FPGS: variants seen among roughly 807,000 people sequenced by gnomAD.
The protein encoded by FPGS is folylpolyglutamate synthase, mitochondrial.
In FPGS, 53 loss-of-function variants were observed where a neutral mutation model predicts 66.5. That is an observed-to-expected ratio of 0.80 (90% CI 0.64 to 1.00). FPGS has a LOEUF of 1.00. Among genes scored for constraint, FPGS ranks in the 50% least tolerant of loss-of-function variants. The pLI, the probability that FPGS is intolerant of heterozygous loss-of-function variation, is 0.00. For synonymous variants in FPGS, 348 were observed against 350.9 expected, an observed-to-expected ratio of 0.99 and a Z score of 0.09; for missense variants, 702 against 807.7, an observed-to-expected ratio of 0.87 and a Z score of 1.59.
chr9:127,808,535 C>G (rs770023397), intron 9 of FPGS, 23 bp from the exon 10 acceptor site: 3 of 1,611,518 alleles, frequency 1.9e-6, no homozygotes, highest in South Asian at 1.1e-5. Flanking sequence ...CTCTGCTGAC[C>G]CGCTCCTGCC....
chr9:127,804,752 G>A (rs1437874694), intron 4 of FPGS, 52 bp downstream of exon 4: 3 of 1,586,692 alleles, frequency 1.9e-6, no homozygotes, highest in East Asian at 4.5e-5. Context: ...ACCCTGGGGG[G>A]CTATGGAACC....
chr9:127,807,120 TGG>T lies in FPGS; in HGVS notation c.501+34_501+35del. ...ATGCAGGAGGGCTGGCGGGTGGGTA[TGG>T]TTGGGGGTGCTACGTGTTCCAGCAC... On this transcript the variant is annotated intron_variant, in intron 5 of 14. Coordinates refer to ENST00000373247, the MANE Select transcript of FPGS (RefSeq NM_004957.6). The surrounding 1 kb of genome is among the most constrained non-coding windows in gnomAD (Gnocchi z 5.8). 1 of 1,610,076 alleles carries T rather than the reference TGG, an allele frequency of 6.2e-7. No individual in the cohort carries two copies. The highest frequency in any genetic ancestry group is 1.1e-5 in the South Asian group (1 of 90,998).
rs575034240 is a variant in FPGS at position 127,813,121 on chromosome 9, A to T, written c.1355-74A>T. On this transcript the variant is annotated intron_variant, in intron 14 of 14. Transcript: ENST00000373247. ...GGTGCGAAGCAGGTGCTCACGGTGC[A>T]CCCGCCCCTTTCTCCACCCCTGTCC... The T allele has an allele frequency of 3.6e-5, 54 of 1,498,856 alleles. No homozygotes were observed. In the Admixed American group the frequency reaches 9.2e-4, roughly 26 times the overall value. The allele number at this position is 1,498,856 out of a possible 1,614,324, so 92.8% of individuals were successfully genotyped here.
chr9:127,813,140 C>A, intron 14 of FPGS, 55 bp from the exon 15 acceptor site: 1 of 1,513,452 alleles, frequency 6.6e-7, no homozygotes, highest in South Asian at 1.3e-5. Context: ...TTTCTCCACC[C>A]CTGTCCCTTA....
intron 1 of FPGS, 91 bp from the exon 2 acceptor site, chr9:127,804,194 G>A: frequency 6.5e-7 from 1 of 1,529,824 alleles, no homozygotes; most frequent in African/African-American, 1.4e-5. Flanking sequence ...TGGCCTTGTT[G>A]CCCTGGCTTG....
intron 14 of FPGS, among the ~76,000 whole-genome samples, 196 bp downstream of exon 14, chr9:127,811,207 G>A (rs566803775): frequency 2.6e-5 from 4 of 152,144 alleles, no homozygotes; most frequent in African/African-American, 9.6e-5. Flanking sequence ...GGCTGGCCAC[G>A]GTGGCTCACG....
chr9:127,813,292 G>A lies in FPGS; in HGVS notation c.1452G>A (p.Pro484=), dbSNP rs759277037. 49 of 1,612,950 alleles carry A rather than the reference G, an allele frequency of 3.0e-5. No homozygotes were observed. The East Asian group carries it at 5.8e-4, about 19-fold the overall frequency. ...ACCTGGACGAAGAGCAGGCCAGCCC[G>A]GACCTCTGGAGTGCCCCCAGCCCAG... ...WNHLDEEQAS[P]DLWSAPSPEP... is the part of the protein sequence containing the mutation. Residue 484 remains proline, a synonymous_variant, in exon 15 of 15, where the codon CCG becomes CCA. Coordinates refer to ENST00000373247, the MANE Select transcript of FPGS (RefSeq NM_004957.6).
At position 127,804,654 on chromosome 9, in the gene FPGS, A is replaced by G. The variant is rs758071703; in HGVS notation, c.340A>G (p.Thr114Ala). Residue 114 changes from threonine to alanine, a missense_variant, in exon 4 of 15, where the codon ACG becomes GCG. Around this residue, in one of 3 missense-constraint regions of FPGS, gnomAD observed 240 missense variants for 348.6 expected, o/e 0.69. Transcript: ENST00000373247. ...TKGKGSTCAFTECILRSYGLK... is the reference protein window; with the variant it reads ...TKGKGSTCAFAECILRSYGLK... ...TTTCAAGGGCTCCACCTGTGCCTTC[A>G]CGGAATGTATCCTCCGAAGCTATGG... The G allele has an allele frequency of 6.2e-7, 1 of 1,614,064 alleles. No homozygotes were observed. The highest frequency in any genetic ancestry group is 1.7e-5 in the Admixed American group (1 of 59,992).
In FPGS at chr9:127,814,033, G is replaced by A. The variant is rs1025025565; in HGVS notation, c.*429G>A. 3 of 1,009,156 alleles carry A rather than the reference G, an allele frequency of 3.0e-6. No individual in the cohort carries two copies. The highest frequency in any genetic ancestry group is 1.9e-4 in the East Asian group (2 of 10,312). 62.5% of individuals were successfully genotyped at this position (1,009,156 alleles called of 1,614,324 possible). On this transcript the variant is annotated 3_prime_UTR_variant, in exon 15 of 15. Coordinates refer to ENST00000373247, the MANE Select transcript of FPGS (RefSeq NM_004957.6). ...CACTGCGGGACAGAGGGTGGCTGGA[G>A]TGAATTAAAGCCTTTGTTTTTTAAA...
rs1829747042 is a variant in FPGS, at chr9:127,804,819, C to G, written c.386+119C>G. 4 of 896,764 alleles carry G rather than the reference C, an allele frequency of 4.5e-6. No individual in the cohort carries two copies. The Admixed American group carries it at 7.2e-5, about 16-fold the overall frequency. 55.6% of individuals were successfully genotyped at this position (896,764 alleles called of 1,614,324 possible). A position where few individuals can be genotyped will look rare whatever the true frequency, so the allele number is the denominator to read the frequency against. ...GGAGGTCAGCTGCATGTCTCTCTGC[C>G]CAGTGTTTATTCATTCAATAAACAT... On this transcript the variant is annotated intron_variant, in intron 4 of 14. Transcript: ENST00000373247.
intron 4 of FPGS, among the ~76,000 whole-genome samples, chr9:127,805,904 G>A (rs1014948872): frequency 2.0e-4 from 31 of 152,194 alleles, no homozygotes; most frequent in Admixed American, 2.0e-4. Context: ...CCTGTGCCAC[G>A]CATGTCTTCT....
At chr9:127,814,236 C>A, downstream of FPGS, 2 of 811,654 alleles carry the variant, frequency 2.5e-6, no homozygotes. Context: ...GAGAAGAAGA[C>A]CAGACTGAAG....
In FPGS at chr9:127,807,370, C is replaced by T. The variant is rs765119170; in HGVS notation, c.580-51C>T. ...GGCCTGGGGGCTCCCTGCTTCCATG[C>T]GGCCTCTGGGCACCCTCATATCCCC... On this transcript the variant is annotated intron_variant, in intron 6 of 14. Transcript: ENST00000373247. The surrounding 1 kb of genome is among the most constrained non-coding windows in gnomAD (Gnocchi z 5.8). The T allele has an allele frequency of 6.2e-6, 10 of 1,611,224 alleles. No individual in the cohort carries two copies. Among genetic ancestry groups the T allele is most frequent in the African/African-American group, 2.7e-5 (2 of 74,882 alleles).
chr9:127,803,043 A>G lies in FPGS; in HGVS notation c.119A>G (p.Glu40Gly), dbSNP rs1050182157. The change falls in exon 1 of 15, where the codon GAG becomes GGG. Residue 40 changes from glutamate (E) to glycine (G), a missense_variant. Physicochemically the swap from Glu to Gly is moderately conservative, Grantham distance 98 (BLOSUM62 -2). This residue lies in a region of FPGS where 111 missense variants were observed against 95.4 expected (regional missense o/e 1.16). Transcript: ENST00000373247. ...TTGAGCGCGTGGCCGGTGCCGCAGG[A>G]GCCGAGCATGGAGTACCAGGTATCA... ...RGLSAWPVPQ[E>G]PSMEYQDAVR... is the part of the protein sequence containing the mutation. 7 of 1,436,932 alleles carry G rather than the reference A, an allele frequency of 4.9e-6. No homozygotes were observed. Among genetic ancestry groups the G allele is most frequent in the East Asian group, 3.0e-5 (1 of 33,422 alleles). The allele number at this position is 1,436,932 out of a possible 1,614,324, so 89.0% of individuals were successfully genotyped here.
In FPGS at chr9:127,813,556, CCTGGTGGGTGGTGTCCTGAAGCTG is replaced by C; in HGVS notation, c.1721_1744del (p.Val574_Leu581del). Reference sequence around the variant, plus strand: ...ATGTGCTAGTCACTGGCAGCCTGCACCTGGTGGGTGGTGTCCTGAAGCTGCTGGAGCCCGCACTGTCCCAGTAGC... The same window carrying C: ...ATGTGCTAGTCACTGGCAGCCTGCACCTGGAGCCCGCACTGTCCCAGTAGC... On this transcript the variant is annotated inframe_deletion, in exon 15 of 15. Coordinates refer to ENST00000373247, the MANE Select transcript of FPGS (RefSeq NM_004957.6). 6.3e-7 allele frequency: 1 copy of C among 1,592,448 alleles called. No homozygotes were observed. The highest frequency in any genetic ancestry group is 8.6e-7 in the Non-Finnish European group (1 of 1,168,048).
At position 127,810,067 on chromosome 9, in the gene FPGS, C is replaced by T; in HGVS notation, c.1248C>T (p.Thr416=). ...PEVRVLLFNA[T]GDRDPAALLK... ...TTCGAGTCTTGCTCTTCAATGCTAC[C>T]GGGGACCGGGACCCGGCGGCCCTGC... Residue 416 remains threonine (T), a synonymous_variant, in exon 13 of 15, where the codon ACC becomes ACT. Coordinates refer to ENST00000373247, the MANE Select transcript of FPGS (RefSeq NM_004957.6). 1 of 1,578,258 alleles carries T rather than the reference C, an allele frequency of 6.3e-7. No individual in the cohort carries two copies. The highest frequency in any genetic ancestry group is 8.6e-7 in the Non-Finnish European group (1 of 1,159,024).
At chr9:127,814,230 A>C, downstream of FPGS, 1 of 860,850 alleles carries the variant, frequency 1.2e-6, no homozygotes, top group South Asian at 5.3e-5. Context: ...TGAGATGAGA[A>C]GAAGACCAGA....
intron 9 of FPGS, 81 bp downstream of exon 9, chr9:127,808,392 T>C: frequency 6.7e-7 from 1 of 1,487,068 alleles, no homozygotes; most frequent in Non-Finnish European, 9.4e-7. Context: ...CTCTGGGGCC[T>C]CAGTTTGCCC....
Position 127,807,158 on chromosome 9 carries a change from C to T in FPGS, c.502-51C>T. On this transcript the variant is annotated intron_variant, in intron 5 of 14. Transcript: ENST00000373247. This position sits in a 1 kb window ranked among gnomAD's most constrained non-coding sequence, Gnocchi z 5.8. Reference sequence around the variant, plus strand: ...TACGTGTTCCAGCACCCCATCTCCCCAGAGAAGGGGCTGCATGGGCTCTGG... The same window carrying T: ...TACGTGTTCCAGCACCCCATCTCCCTAGAGAAGGGGCTGCATGGGCTCTGG... 2 of 1,607,358 alleles carry T rather than the reference C, an allele frequency of 1.2e-6. No homozygotes were observed. The highest frequency in any genetic ancestry group is 1.7e-6 in the Non-Finnish European group (2 of 1,173,964).
Sources: gnomAD v4.1 joint callset for allele counts (sites outside exome capture counted in the v4.1 genomes callset) on GRCh38, gnomAD v4.1.1 for gene constraint, gnomAD v4.1.1 regional missense constraint, Gnocchi (gnomAD v3.1) non-coding constraint, MANE v1.5 for transcripts, NCBI Gene and HGNC (gene_info 2026-07-23, HGNC 2026-07-21) for gene names.